SPINK5: variants seen among roughly 807,000 people sequenced by gnomAD.
The protein encoded by SPINK5 is serine protease inhibitor Kazal-type 5.
A neutral mutation model predicts 151.8 loss-of-function variants in SPINK5; 125 were observed. That is an observed-to-expected ratio of 0.82 (90% CI 0.71 to 0.96). The LOEUF (loss-of-function observed/expected upper bound fraction) is 0.96. Among genes scored for constraint, SPINK5 ranks in the 40% least tolerant of loss-of-function variants. The probability of loss-of-function intolerance (pLI) is 0.00; values close to 1 mark genes in which losing one functional copy is unlikely to be tolerated. For missense variants in SPINK5, 1,194 were observed against 1,291.9 expected, an observed-to-expected ratio of 0.92 and a Z score of 1.16; for synonymous variants, 374 against 395.3, an observed-to-expected ratio of 0.95 and a Z score of 0.64.
At chr5:148,069,634 A>T (rs1752685019) in intron 2 of SPINK5, among the ~76,000 whole-genome samples, 1 of 151,938 alleles carries the variant, frequency 6.6e-6, no homozygotes, top group Admixed American at 6.6e-5. Flanking sequence ...GGTACTTTCT[A>T]AAAAATATAA....
Position 148,128,521 on chromosome 5 carries a change from C to T in SPINK5, c.2964+1442C>T, listed in dbSNP as rs150778856. 5.6e-3 allele frequency among the ~76,000 whole-genome samples: 857 copies of T among 151,894 alleles called. 5 individuals are homozygous for T. Among genetic ancestry groups the T allele is most frequent in the African/African-American group, 0.012 (515 of 41,394 alleles). On this transcript the variant is annotated intron_variant, in intron 30 of 32. Coordinates refer to ENST00000256084, the MANE Select transcript of SPINK5 (RefSeq NM_006846.4). ...TATTTTTCCAGGCATTATTTATTTA[C>T]TTATTTATTTATTTATTTATTTTCT...
intron 26 of SPINK5, among the ~76,000 whole-genome samples, chr5:148,122,173 A>G (rs953556693): frequency 6.6e-6 from 1 of 152,188 alleles, no homozygotes; most frequent in Admixed American, 6.5e-5. Context: ...TGAACTACAC[A>G]TAATTAATGA....
chr5:148,133,580 C>T (rs1754624699), intron 31 of SPINK5, among the ~76,000 whole-genome samples: 1 of 152,074 alleles, frequency 6.6e-6, no homozygotes, highest in African/African-American at 2.4e-5. Context: ...TGAAATGTGA[C>T]AGGATAGGTC....
chr5:148,124,980 C>T (rs1754392906), intron 28 of SPINK5, 143 bp downstream of exon 28: 2 of 1,231,784 alleles, frequency 1.6e-6, no homozygotes, highest in Admixed American at 3.7e-5. Context: ...CACTTTGTAT[C>T]ATAACAAGAT....
intron 16 of SPINK5, 31 bp from the exon 17 acceptor site, chr5:148,107,006 A>G: frequency 6.2e-7 from 1 of 1,607,992 alleles, no homozygotes; most frequent in Non-Finnish European, 8.5e-7. Flanking sequence ...ATAGAAAACT[A>G]CTCTGAGAAA....
chr5:148,095,529 A>G (rs1032959013), intron 9 of SPINK5, among the ~76,000 whole-genome samples: 3 of 151,966 alleles, frequency 2.0e-5, no homozygotes, highest in South Asian at 2.1e-4. Flanking sequence ...AGCAATAGAC[A>G]TAGCGCTCAT....
intron 32 of SPINK5, among the ~76,000 whole-genome samples, chr5:148,135,594 T>G (rs1305913445): frequency 6.6e-6 from 1 of 152,160 alleles, no homozygotes; most frequent in Admixed American, 6.6e-5. Context: ...AAACAAAAAT[T>G]AACGTGTCCT....
chr5:148,097,297 T>C (rs1220136939), intron 10 of SPINK5, among the ~76,000 whole-genome samples: 3 of 152,018 alleles, frequency 2.0e-5, no homozygotes, highest in African/African-American at 7.2e-5. Flanking sequence ...CAAAGTTTAG[T>C]GGTCTTTGAT....
At chr5:148,095,318 G>A (rs1753426218) in intron 9 of SPINK5, among the ~76,000 whole-genome samples, 1 of 151,850 alleles carries the variant, frequency 6.6e-6, no homozygotes, top group Non-Finnish European at 1.5e-5. Context: ...ACTCCTGCAT[G>A]CCCAGGGCCC....
chr5:148,097,895 C>T lies in SPINK5; in HGVS notation c.911C>T (p.Ala304Val), dbSNP rs753521287. The change falls in exon 11 of 33, where the codon GCA becomes GTA. Residue 304 changes from alanine to valine, a missense_variant. Physicochemically the swap from Ala to Val is moderately conservative, Grantham distance 64. Coordinates refer to ENST00000256084, the MANE Select transcript of SPINK5 (RefSeq NM_006846.4). ...VKLCSQYQNQ[A>V]KNGILFCTRE... ...CTCTGCAGTCAATATCAAAATCAGGCAAAGAATGGAATACTTTTCTGTACC... is the reference window on the plus strand; with the variant it reads ...CTCTGCAGTCAATATCAAAATCAGGTAAAGAATGGAATACTTTTCTGTACC... 1 of 1,611,340 alleles carries T rather than the reference C, an allele frequency of 6.2e-7. No homozygotes were observed. The highest frequency in any genetic ancestry group is 8.5e-7 in the Non-Finnish European group (1 of 1,178,050).
chr5:148,092,977 T>C (rs1201847577), intron 8 of SPINK5, among the ~76,000 whole-genome samples: 4 of 151,944 alleles, frequency 2.6e-5, no homozygotes, highest in Admixed American at 2.6e-4. Context: ...GTAACTGTGG[T>C]TCCAAAGGAG....
At chr5:148,128,818 C>T (rs1414539635) in intron 30 of SPINK5, among the ~76,000 whole-genome samples, 4 of 152,192 alleles carry the variant, frequency 2.6e-5, no homozygotes, top group East Asian at 1.9e-4. Context: ...CCACCGCGCC[C>T]GGCCTCCAGG....
intron 5 of SPINK5, among the ~76,000 whole-genome samples, chr5:148,087,823 C>T (rs1369174756): frequency 1.3e-5 from 2 of 151,850 alleles, no homozygotes; most frequent in African/African-American, 2.4e-5. Flanking sequence ...GCAGCTCTAG[C>T]TGCTAGGAGG....
chr5:148,120,489 T>C, intron 26 of SPINK5, 98 bp downstream of exon 26: 1 of 1,405,226 alleles, frequency 7.1e-7, no homozygotes, highest in South Asian at 1.2e-5. Context: ...TCTGTCCCAA[T>C]CATTGGTGAT....
At chr5:148,090,629 A>T (rs532179940) in intron 7 of SPINK5, 9 of 153,338 alleles carry the variant, frequency 5.9e-5, no homozygotes, top group African/African-American at 2.2e-4. Context: ...AAAGGGCTTA[A>T]AGCTCAATTC....
rs77701346 is a variant in SPINK5 at position 148,112,725 on chromosome 5, G to A, written c.1821-143G>A. ...AAGGACAAGAACAATGATGTAGAGA[G>A]ATGTGTGTTTACCTTTCCACTCCAA... On this transcript the variant is annotated intron_variant, in intron 19 of 32. Coordinates refer to ENST00000256084, the MANE Select transcript of SPINK5 (RefSeq NM_006846.4). 0.1 allele frequency: 136,818 copies of A among 1,308,890 alleles called. 11,266 individuals are homozygous for A. Among genetic ancestry groups the A allele is most frequent in the East Asian group, 0.3 (11,855 of 39,200 alleles). The allele number at this position is 1,308,890 out of a possible 1,614,324, so 81.1% of individuals were successfully genotyped here. A position where few individuals can be genotyped will look rare whatever the true frequency, so the allele number is the denominator to read the frequency against.
chr5:148,102,324 G>T (rs1029515926), intron 15 of SPINK5, among the ~76,000 whole-genome samples: 4 of 152,076 alleles, frequency 2.6e-5, no homozygotes, highest in African/African-American at 9.7e-5. Flanking sequence ...ACAGCATGGT[G>T]ACTACAGTTA....
intron 4 of SPINK5, among the ~76,000 whole-genome samples, chr5:148,080,979 C>T (rs1267788892): frequency 1.3e-5 from 2 of 151,510 alleles, no homozygotes; most frequent in Non-Finnish European, 3.0e-5. Context: ...ATAGATATTA[C>T]ACCAAAGATA....
At chr5:148,069,323 T>TC (rs1361642525) in intron 2 of SPINK5, among the ~76,000 whole-genome samples, 4 of 151,952 alleles carry the variant, frequency 2.6e-5, no homozygotes, top group South Asian at 2.1e-4. Context: ...ACTTTCCTTT[T>TC]CCCCACCAAT....
Sources: gnomAD v4.1 joint callset for allele counts (sites outside exome capture counted in the v4.1 genomes callset) on GRCh38, gnomAD v4.1.1 for gene constraint, MANE v1.5 for transcripts, NCBI Gene and HGNC (gene_info 2026-07-23, HGNC 2026-07-21) for gene names.